BLTP1: variants seen among roughly 807,000 people sequenced by gnomAD.
The protein encoded by BLTP1 is bridge-like lipid transfer protein family member 1.
chr4:122,221,674 T>TAAA, the BLTP1 span: 3 of 345,116 alleles, frequency 8.7e-6, no homozygotes, highest in Non-Finnish European at 1.2e-5. Context: ...ATATTAACCT[T>TAAA]AAAAAAAAAA....
the BLTP1 span, chr4:122,189,158 A>G: frequency 1.2e-6 from 1 of 841,786 alleles, no homozygotes. Context: ...AAGATTTAAA[A>G]TTGTATTTTT....
the BLTP1 span, chr4:122,207,719 TC>T: frequency 1.7e-6 from 2 of 1,183,260 alleles, no homozygotes; most frequent in South Asian, 1.6e-5. Flanking sequence ...CACTCTCTTC[TC>T]CCCAGTCCAT....
the BLTP1 span, among the ~76,000 whole-genome samples, chr4:122,159,361 G>T: frequency 1.3e-5 from 2 of 151,916 alleles, no homozygotes; most frequent in Admixed American, 6.6e-5. Context: ...TACTCGGGAG[G>T]CTGAGGCAGG....
At chr4:122,270,862 C>G in the BLTP1 span, 2 of 519,144 alleles carry the variant, frequency 3.9e-6, no homozygotes, top group Admixed American at 6.4e-5. Context: ...AAAAGCCTGG[C>G]CTAGTGAAAA....
chr4:122,231,157 T>C, the BLTP1 span, among the ~76,000 whole-genome samples: 2 of 152,308 alleles, frequency 1.3e-5, no homozygotes, highest in East Asian at 1.9e-4. Flanking sequence ...TCTGGCTGTT[T>C]CCTTTAGATA....
At chr4:122,307,462 G>A in the BLTP1 span, 3 of 985,188 alleles carry the variant, frequency 3.0e-6, no homozygotes, top group Non-Finnish European at 3.6e-6. Flanking sequence ...TCTATACACT[G>A]CTGTGAAATG....
chr4:122,282,859 T>C, the BLTP1 span, among the ~76,000 whole-genome samples: 1 of 152,192 alleles, frequency 6.6e-6, no homozygotes, highest in Admixed American at 6.5e-5. Context: ...CGAGTTTATA[T>C]ATATAAAATG....
the BLTP1 span, among the ~76,000 whole-genome samples, chr4:122,245,612 A>G: frequency 7.9e-5 from 12 of 152,280 alleles, no homozygotes; most frequent in South Asian, 2.5e-3. Flanking sequence ...CCAGCCACGA[A>G]GCCAGTTGCT....
the BLTP1 span, chr4:122,183,598 A>G: frequency 2.5e-6 from 2 of 790,058 alleles, no homozygotes; most frequent in Non-Finnish European, 3.1e-6. Context: ...GCACTGGACT[A>G]GAATTTAGCA....
At chr4:122,260,232 G>GAT in the BLTP1 span, among the ~76,000 whole-genome samples, 1 of 152,170 alleles carries the variant, frequency 6.6e-6, no homozygotes, top group Admixed American at 6.5e-5. Context: ...ACACAGAAAA[G>GAT]ATACAGTAAA....
chr4:122,267,333 A>T, the BLTP1 span, among the ~76,000 whole-genome samples: 1 of 152,138 alleles, frequency 6.6e-6, no homozygotes, highest in East Asian at 1.9e-4. Flanking sequence ...TGCTGGGATT[A>T]CAGGCGTGAG....
the BLTP1 span, chr4:122,288,982 AT>A: frequency 2.4e-6 from 3 of 1,256,916 alleles, no homozygotes; most frequent in Non-Finnish European, 3.3e-6. Flanking sequence ...TTCAAATCAT[AT>A]AGAGATAATT....
At chr4:122,166,125 A>G in the BLTP1 span, among the ~76,000 whole-genome samples, 2 of 152,086 alleles carry the variant, frequency 1.3e-5, no homozygotes, top group South Asian at 4.2e-4. Context: ...TGCTTTTGGT[A>G]TTTTAGACAT....
At chr4:122,194,029 A>AT in the BLTP1 span, among the ~76,000 whole-genome samples, 1 of 151,654 alleles carries the variant, frequency 6.6e-6, no homozygotes, top group African/African-American at 2.4e-5. Flanking sequence ...CGCCCGGCTA[A>AT]TTTTTTGTAT....
chr4:122,236,901 C>A, the BLTP1 span: 4 of 985,238 alleles, frequency 4.1e-6, no homozygotes, highest in Non-Finnish European at 4.8e-6. Context: ...ACCTGAGTTT[C>A]TGATTGTTGA....
At chr4:122,274,589 A>G in the BLTP1 span, 12 of 979,626 alleles carry the variant, frequency 1.2e-5, no homozygotes, top group African/African-American at 1.6e-4. Context: ...CAAATAAAAT[A>G]TTTTAGAAAA....
At chr4:122,165,208 C>T in the BLTP1 span, among the ~76,000 whole-genome samples, 2 of 151,946 alleles carry the variant, frequency 1.3e-5, no homozygotes, top group Non-Finnish European at 1.5e-5. Context: ...TCTCCTAATG[C>T]TGTCCCTCCC....
At chr4:122,249,384 T>C in the BLTP1 span, 12 of 1,506,896 alleles carry the variant, frequency 8.0e-6, no homozygotes, top group African/African-American at 4.2e-5. Context: ...CACTAAGATA[T>C]CTTTTAAAGA....
At chr4:122,307,537 T>A in the BLTP1 span, 35 of 985,230 alleles carry the variant, frequency 3.6e-5, no homozygotes, top group African/African-American at 6.1e-4. Context: ...TCTCTGTAAA[T>A]CAGATCCTTT....
Sources: gnomAD v4.1 joint callset for allele counts (sites outside exome capture counted in the v4.1 genomes callset) on GRCh38, gnomAD v4.1.1 for gene constraint, MANE v1.5 for transcripts, NCBI Gene and HGNC (gene_info 2026-07-23, HGNC 2026-07-21) for gene names.